Variants in LRP1B observed in about 807,000 individuals in gnomAD.
LRP1B encodes low-density lipoprotein receptor-related protein 1B.
Under a neutral mutation model 556.6 loss-of-function variants are expected in LRP1B, and 217 were observed. That is an observed-to-expected ratio of 0.39 (90% CI 0.35 to 0.44). LRP1B has a LOEUF of 0.44. Among genes scored for constraint, LRP1B ranks in the 20% least tolerant of loss-of-function variants. The pLI is 1.00. For missense variants in LRP1B, 5,053 were observed against 5,620.8 expected, an observed-to-expected ratio of 0.90 and a Z score of 3.23; for synonymous variants, 2,047 against 1,865.8, an observed-to-expected ratio of 1.10 and a Z score of -2.50.
intron 2 of LRP1B, among the ~76,000 whole-genome samples, chr2:141,567,812 C>T (rs1264569743): frequency 2.1e-5 from 2 of 96,806 alleles, no homozygotes; most frequent in African/African-American, 2.9e-5. Context: ...TGTGGAAGGG[C>T]CCCTAGGAAA....
rs537471219 is a variant in LRP1B, at chr2:141,694,735, AT to A, written c.205+115543del. Among the ~76,000 whole-genome samples, 751 of 152,030 alleles carry A rather than the reference AT, an allele frequency of 4.9e-3. 8 individuals are homozygous for A. The highest frequency in any genetic ancestry group is 0.017 in the African/African-American group (717 of 41,498). Reference sequence around the variant, plus strand: ...AAAGCACAATGAACATAAAGATATAATTCTTACAAAAATTAACAGGAAAGGA... The same window carrying A: ...AAAGCACAATGAACATAAAGATATAATCTTACAAAAATTAACAGGAAAGGA... On this transcript the variant is annotated intron_variant, in intron 2 of 90. Coordinates refer to ENST00000389484, the MANE Select transcript of LRP1B (RefSeq NM_018557.3).
Position 141,234,681 on chromosome 2 carries a change from G to A in LRP1B, c.593-5241C>T, listed in dbSNP as rs182235097. On this transcript the variant is annotated intron_variant, in intron 5 of 90. Transcript: ENST00000389484. ...CATGAGCCACTGTACTCAGCCAAAA[G>A]GGCTAATTTTCTAAAAAACTTCTAA... Among the ~76,000 whole-genome samples the A allele has an allele frequency of 2.8e-3, 432 of 152,006 alleles. 2 individuals carry two copies. The highest frequency in any genetic ancestry group is 9.8e-3 in the African/African-American group (408 of 41,470).
At chr2:140,561,230 T>C (rs1166502721) in intron 43 of LRP1B, among the ~76,000 whole-genome samples, 1 of 152,208 alleles carries the variant, frequency 6.6e-6, no homozygotes, top group African/African-American at 2.4e-5. Context: ...AGAAATTTTC[T>C]ATCCTACCCT....
At chr2:141,386,744 G>C (rs1689846827) in intron 3 of LRP1B, among the ~76,000 whole-genome samples, 1 of 152,010 alleles carries the variant, frequency 6.6e-6, no homozygotes. Context: ...GCACAGATTT[G>C]AGAAAAAGAT....
At chr2:141,943,318 G>A (rs1474358080) in intron 1 of LRP1B, among the ~76,000 whole-genome samples, 1 of 152,036 alleles carries the variant, frequency 6.6e-6, no homozygotes, top group Non-Finnish European at 1.5e-5. Context: ...TATAACAATG[G>A]GTCTTGGGCT....
intron 7 of LRP1B, among the ~76,000 whole-genome samples, chr2:141,068,557 CAAAAAAAAA>C (rs564540035): frequency 4.0e-4 from 29 of 71,610 alleles, no homozygotes; most frequent in African/African-American, 1.5e-3. Context: ...ATGTGGTTGG[CAAAAAAAAA>C]AAAAAAAAAA....
At chr2:141,504,491 G>A (rs922304955) in intron 2 of LRP1B, among the ~76,000 whole-genome samples, 5 of 152,084 alleles carry the variant, frequency 3.3e-5, no homozygotes, top group Admixed American at 1.3e-4. Flanking sequence ...CTCATACTAA[G>A]TGATAGTTTG....
chr2:140,905,196 T>A (rs901615124), intron 22 of LRP1B, among the ~76,000 whole-genome samples: 3 of 151,982 alleles, frequency 2.0e-5, no homozygotes, highest in Non-Finnish European at 4.4e-5. Context: ...CACAAATGAT[T>A]TCATCCTGCT....
intron 3 of LRP1B, among the ~76,000 whole-genome samples, chr2:141,472,401 G>A (rs1007058053): frequency 5.9e-5 from 9 of 152,048 alleles, no homozygotes; most frequent in Non-Finnish European, 1.3e-4. Context: ...TTAGCCAAAC[G>A]TGGTACTGGA....
intron 2 of LRP1B, among the ~76,000 whole-genome samples, chr2:141,714,091 T>C (rs1692476568): frequency 6.6e-6 from 1 of 152,170 alleles, no homozygotes; most frequent in Non-Finnish European, 1.5e-5. Context: ...TGCAACTGCC[T>C]GTGAACTCAT....
chr2:140,808,687 A>G (rs11683292), intron 32 of LRP1B, among the ~76,000 whole-genome samples: 70,585 of 151,988 alleles, frequency 0.46, 17,571 homozygotes, highest in East Asian at 0.58. Context: ...GCACATAGTG[A>G]GCACTGATAA....
chr2:140,834,559 G>A (rs908562486), intron 31 of LRP1B, among the ~76,000 whole-genome samples: 1 of 152,056 alleles, frequency 6.6e-6, no homozygotes, highest in African/African-American at 2.4e-5. Flanking sequence ...TTACAATTTC[G>A]GCTTTGCTCT....
chr2:141,892,161 T>C (rs544682859), intron 1 of LRP1B, among the ~76,000 whole-genome samples: 1 of 151,994 alleles, frequency 6.6e-6, no homozygotes, highest in Admixed American at 6.6e-5. Flanking sequence ...TGGAAATAAA[T>C]GTAATGAAGA....
Position 140,350,874 on chromosome 2 carries a change from T to C in LRP1B, c.11815A>G (p.Thr3939Ala). ...YYQRDMIIWS[T>A]QFNPGGIFYK... ...AAAATTCCGCCTGGATTAAACTGAG[T>C]ACTCCAAATAATCATATCTCTTTGA... is the stretch of plus-strand genomic sequence containing the variant. The change falls in exon 77 of 91, where the codon ACT becomes GCT. Residue 3939 changes from threonine (T) to alanine (A), a missense_variant. Thr to Ala is a moderately conservative substitution (Grantham distance 58, BLOSUM62 0). Transcript: ENST00000389484. 1.2e-6 allele frequency: 2 copies of C among 1,609,962 alleles called. No homozygotes were observed. Among genetic ancestry groups the C allele is most frequent in the Non-Finnish European group, 1.7e-6 (2 of 1,176,976 alleles).
intron 84 of LRP1B, among the ~76,000 whole-genome samples, chr2:140,289,703 C>A (rs1366030551): frequency 6.6e-6 from 1 of 151,056 alleles, no homozygotes; most frequent in Non-Finnish European, 1.5e-5. Context: ...TTTTTACAAC[C>A]CTGACAATTT....
chr2:141,684,925 T>C (rs1034785438), intron 2 of LRP1B, among the ~76,000 whole-genome samples: 1 of 152,008 alleles, frequency 6.6e-6, no homozygotes, highest in African/African-American at 2.4e-5. Context: ...GGTACAAGCA[T>C]ACCTATCTTT....
chr2:140,364,626 A>G (rs1682668519), intron 72 of LRP1B, 35 bp downstream of exon 72: 2 of 1,602,604 alleles, frequency 1.2e-6, no homozygotes, highest in South Asian at 2.2e-5. Flanking sequence ...ATCAGAAGAT[A>G]AAAGTATAAT....
At chr2:140,620,375 A>G (rs529400307) in intron 41 of LRP1B, among the ~76,000 whole-genome samples, 1 of 152,358 alleles carries the variant, frequency 6.6e-6, no homozygotes, top group African/African-American at 2.4e-5. Flanking sequence ...CAACTACTGC[A>G]TACAGAGAAT....
intron 35 of LRP1B, among the ~76,000 whole-genome samples, chr2:140,722,248 G>A (rs1391227603): frequency 2.6e-5 from 4 of 152,136 alleles, no homozygotes; most frequent in East Asian, 3.9e-4. Flanking sequence ...GAACATTGAG[G>A]TTATGTTCAA....
Sources: gnomAD v4.1 joint callset for allele counts (sites outside exome capture counted in the v4.1 genomes callset) on GRCh38, gnomAD v4.1.1 for gene constraint, MANE v1.5 for transcripts, NCBI Gene and HGNC (gene_info 2026-07-23, HGNC 2026-07-21) for gene names.